The following SLC25A53 variants were observed in gnomAD, a reference collection of about 807,000 sequenced individuals.
The protein encoded by SLC25A53 is mitochondrial carrier triple repeat protein 6.
SLC25A53 carries 5 observed loss-of-function variants against 15.0 expected under a neutral mutation model. The ratio of observed to expected loss-of-function variants is 0.33; its 90% CI spans 0.17 to 0.70. The LOEUF (loss-of-function observed/expected upper bound fraction) is 0.70. Among genes scored for constraint, SLC25A53 ranks in the 30% least tolerant of loss-of-function variants. SLC25A53 has a pLI of 0.67. For missense variants in SLC25A53, 216 were observed against 241.6 expected, an observed-to-expected ratio of 0.89 and a Z score of 0.70; for synonymous variants, 95 against 100.0, an observed-to-expected ratio of 0.95 and a Z score of 0.30.
intron 1 of SLC25A53, chrX:104,114,592 C>T: frequency 8.3e-7 from 1 of 1,211,951 alleles, no homozygotes; most frequent in Non-Finnish European, 1.1e-6. Flanking sequence ...GAATGCTATT[C>T]AGGCAGGCAT....
chrX:104,137,464 G>A (rs1556366687), intron 1 of SLC25A53, among the ~76,000 whole-genome samples: 1 of 110,861 alleles, frequency 9.0e-6, no homozygotes, highest in East Asian at 2.8e-4. Flanking sequence ...CTCCTTTCAT[G>A]TGTGAACAAA....
At chrX:104,134,286 C>T (rs1309421270) in intron 1 of SLC25A53, among the ~76,000 whole-genome samples, 1 of 112,064 alleles carries the variant, frequency 8.9e-6, no homozygotes, top group East Asian at 2.8e-4. Flanking sequence ...ATCTGTTCTC[C>T]CCTTCCCCCT....
At chrX:104,132,471 T>C (rs2075427911) in intron 1 of SLC25A53, among the ~76,000 whole-genome samples, 1 of 112,285 alleles carries the variant, frequency 8.9e-6, no homozygotes, top group Non-Finnish European at 1.9e-5. Context: ...CACATCCAGA[T>C]TGTGTATAAT....
At chrX:104,139,412 G>A (rs1556367118) in intron 1 of SLC25A53, among the ~76,000 whole-genome samples, 1 of 112,062 alleles carries the variant, frequency 8.9e-6, no homozygotes, top group Non-Finnish European at 1.9e-5. Context: ...AGCTACTTGC[G>A]AGGCTGAGGT....
At chrX:104,152,911 C>T (rs1556370634) in intron 1 of SLC25A53, among the ~76,000 whole-genome samples, 1 of 111,174 alleles carries the variant, frequency 9.0e-6, no homozygotes. Context: ...ACTGGCCTAG[C>T]GAGATTTGGG....
At chrX:104,119,094 G>A (rs1177490576) in intron 1 of SLC25A53, among the ~76,000 whole-genome samples, 2 of 111,896 alleles carry the variant, frequency 1.8e-5, no homozygotes, top group African/African-American at 6.5e-5. Context: ...ACAATGAGTG[G>A]AGGAGAGATA....
intron 1 of SLC25A53, among the ~76,000 whole-genome samples, chrX:104,151,052 C>T (rs1204397741): frequency 8.9e-6 from 1 of 111,915 alleles, no homozygotes; most frequent in Non-Finnish European, 1.9e-5. Context: ...TTTTGGCAGA[C>T]AATTATATAA....
intron 1 of SLC25A53, among the ~76,000 whole-genome samples, chrX:104,146,290 T>C (rs1265067790): frequency 2.7e-5 from 3 of 111,986 alleles, no homozygotes; most frequent in Admixed American, 9.5e-5. Context: ...AAACTAGGTA[T>C]TGATGGAACA....
chrX:104,106,881 C>T (rs113163554), intron 1 of SLC25A53, among the ~76,000 whole-genome samples: 47 of 107,706 alleles, frequency 4.4e-4, no homozygotes, highest in African/African-American at 1.6e-3. Context: ...ATCCATATCC[C>T]CACAATCTCA....
chrX:104,129,341 G>A (rs904946642), intron 1 of SLC25A53, among the ~76,000 whole-genome samples: 2 of 111,493 alleles, frequency 1.8e-5, no homozygotes, highest in African/African-American at 3.3e-5. Flanking sequence ...AGCAGACAGC[G>A]TTATAACTCA....
intron 1 of SLC25A53, among the ~76,000 whole-genome samples, chrX:104,129,830 C>A (rs2075420631): frequency 1.0e-5 from 1 of 95,427 alleles, no homozygotes; most frequent in Admixed American, 1.2e-4. Context: ...ATATATAAAA[C>A]TACAAACACA....
chrX:104,153,228 C>T (rs1556370733), intron 1 of SLC25A53, among the ~76,000 whole-genome samples: 1 of 107,330 alleles, frequency 9.3e-6, no homozygotes, highest in Non-Finnish European at 1.9e-5. Context: ...ACTGTACTTA[C>T]ACAAACCTAG....
chrX:104,150,852 A>G (rs1473779268), intron 1 of SLC25A53, among the ~76,000 whole-genome samples: 2 of 111,306 alleles, frequency 1.8e-5, no homozygotes, highest in East Asian at 5.6e-4. Context: ...CTCTCCCTCC[A>G]TGTAATGCAC....
At chrX:104,106,068 G>A (rs1556356013) in intron 1 of SLC25A53, among the ~76,000 whole-genome samples, 1 of 111,639 alleles carries the variant, frequency 9.0e-6, no homozygotes. Flanking sequence ...GGCTCACTGC[G>A]TGCCAGTAGC....
intron 1 of SLC25A53, among the ~76,000 whole-genome samples, chrX:104,130,289 T>C (rs192506871): frequency 8.4e-4 from 94 of 111,301 alleles, no homozygotes; most frequent in African/African-American, 2.9e-3. Context: ...CCCTGTATTA[T>C]TTTGAGAGCC....
At chrX:104,113,936 C>T in intron 1 of SLC25A53, 5 of 727,230 alleles carry the variant, frequency 6.9e-6, no homozygotes, top group Non-Finnish European at 9.8e-6. Context: ...AATGCTACTG[C>T]AGACTGCTTC....
In SLC25A53 at chrX:104,102,543, C is replaced by CA. The variant is rs1383420645; in HGVS notation, c.*1790dup. The CA allele has an allele frequency of 1.2e-4, 13 of 111,828 alleles. No individual in the cohort carries two copies. The highest frequency in any genetic ancestry group is 4.2e-4 in the African/African-American group (13 of 30,798). The allele number at this position is 111,828 out of a possible 1,213,427, so 9.2% of individuals were successfully genotyped here. A position where few individuals can be genotyped will look rare whatever the true frequency, so the allele number is the denominator to read the frequency against. Reference sequence around the variant, plus strand: ...AACTAAATCAATTATTAAAAGAAAGCAAAAACACAGCCCAAAGGCACGTGT... The same window carrying CA: ...AACTAAATCAATTATTAAAAGAAAGCAAAAAACACAGCCCAAAGGCACGTGT... On this transcript the variant is annotated 3_prime_UTR_variant, in exon 2 of 2. Coordinates refer to ENST00000594199, the MANE Select transcript of SLC25A53 (RefSeq NM_001012755.5).
At chrX:104,139,188 A>G (rs1226416626) in intron 1 of SLC25A53, among the ~76,000 whole-genome samples, 1 of 111,903 alleles carries the variant, frequency 8.9e-6, no homozygotes, top group Admixed American at 9.4e-5. Flanking sequence ...GTACCACTGC[A>G]CTCCAGCCTG....
At chrX:104,134,642 G>A (rs954230988) in intron 1 of SLC25A53, among the ~76,000 whole-genome samples, 2 of 111,451 alleles carry the variant, frequency 1.8e-5, no homozygotes, top group African/African-American at 6.5e-5. Flanking sequence ...GATCATTCAC[G>A]TAAGCACTTA....
Sources: gnomAD v4.1 joint callset for allele counts (sites outside exome capture counted in the v4.1 genomes callset) on GRCh38, gnomAD v4.1.1 for gene constraint, MANE v1.5 for transcripts, NCBI Gene and HGNC (gene_info 2026-07-23, HGNC 2026-07-21) for gene names.